Variants in SLC15A1 observed in about 807,000 individuals in gnomAD.
SLC15A1 encodes the protein Caco-2 oligopeptide transporter.
In SLC15A1, 83 loss-of-function variants were observed where a neutral mutation model predicts 92.9. The observed-to-expected ratio is 0.89, with a 90% confidence interval of 0.75 to 1.07. The LOEUF (loss-of-function observed/expected upper bound fraction) is 1.07. Among genes scored for constraint, SLC15A1 ranks in the 50% least tolerant of loss-of-function variants. The pLI is 0.00. For synonymous variants in SLC15A1, 322 were observed against 318.2 expected (o/e 1.01, Z -0.13); for missense variants, 857 against 880.1 (o/e 0.97, Z 0.33).
At chr13:98,748,670 C>T (rs10454525) in intron 1 of SLC15A1, among the ~76,000 whole-genome samples, 109,321 of 152,082 alleles carry the variant, frequency 0.72, 39,644 homozygotes, top group African/African-American at 0.77. Context: ...TTCATCATCA[C>T]GGACATGTAC....
Position 98,706,147 on chromosome 13 carries a change from C to T in SLC15A1, c.1256G>A (p.Gly419Asp). ...ISLPGEMVTLGPMSQTNAFMT... is the reference protein window; with the variant it reads ...ISLPGEMVTLDPMSQTNAFMT... ...CCTTCTACTTACTTGAGACATTGGGCCAAGTGTCACCATCTCTCCAGGAAG... is the reference window on the plus strand; with the variant it reads ...CCTTCTACTTACTTGAGACATTGGGTCAAGTGTCACCATCTCTCCAGGAAG... Residue 419 changes from glycine (G) to aspartate (D), a missense_variant, in exon 16 of 23, where the codon GGC (glycine) becomes GAC (aspartate). Transcript: ENST00000376503. The T allele has an allele frequency of 1.9e-6, 3 of 1,610,748 alleles. No homozygotes were observed. The highest frequency in any genetic ancestry group is 1.7e-6 in the Non-Finnish European group (2 of 1,179,298).
chr13:98,734,757 G>A (rs549206646), intron 1 of SLC15A1, among the ~76,000 whole-genome samples: 3 of 152,176 alleles, frequency 2.0e-5, no homozygotes, highest in African/African-American at 4.8e-5. Flanking sequence ...TAAATTCCTG[G>A]ACACATACAC....
At chr13:98,725,385 C>T (rs146092932) in intron 4 of SLC15A1, among the ~76,000 whole-genome samples, 46 of 152,286 alleles carry the variant, frequency 3.0e-4, no homozygotes, top group Admixed American at 9.2e-4. Flanking sequence ...TGGGTGTGCT[C>T]GTGGAGCCCT....
chr13:98,746,122 C>A (rs759080829), intron 1 of SLC15A1, among the ~76,000 whole-genome samples: 33 of 152,154 alleles, frequency 2.2e-4, no homozygotes, highest in Non-Finnish European at 1.3e-4. Flanking sequence ...TGGGAAAATG[C>A]AGTGTTTGAT....
chr13:98,734,846 T>C (rs1477500528), intron 1 of SLC15A1, among the ~76,000 whole-genome samples: 2 of 152,120 alleles, frequency 1.3e-5, no homozygotes, highest in Non-Finnish European at 2.9e-5. Flanking sequence ...CAATAATTAA[T>C]AGCCTACAAA....
At chr13:98,733,454 C>T (rs1284440803) in intron 1 of SLC15A1, among the ~76,000 whole-genome samples, 2 of 152,178 alleles carry the variant, frequency 1.3e-5, no homozygotes, top group Non-Finnish European at 2.9e-5. Flanking sequence ...GAAGTGCATA[C>T]CTGGCACCTG....
At chr13:98,692,371 T>C (rs765261775) in intron 18 of SLC15A1, among the ~76,000 whole-genome samples, 5 of 151,946 alleles carry the variant, frequency 3.3e-5, no homozygotes, top group Middle Eastern at 3.2e-3. Flanking sequence ...ATTGCCCAGG[T>C]TGGTCTTGAA....
At chr13:98,726,791 A>C in intron 2 of SLC15A1, 52 bp downstream of exon 2, 3 of 1,566,242 alleles carry the variant, frequency 1.9e-6, no homozygotes, top group Non-Finnish European at 2.6e-6. Context: ...GGTAAAACAG[A>C]TGATAAAATT....
chr13:98,705,573 C>T (rs2088106461), intron 16 of SLC15A1, among the ~76,000 whole-genome samples: 2 of 152,130 alleles, frequency 1.3e-5, no homozygotes, highest in Admixed American at 1.3e-4. Flanking sequence ...TAGTTAAATG[C>T]AGCATTTCAG....
At chr13:98,707,406 A>C (rs1344966132) in intron 15 of SLC15A1, among the ~76,000 whole-genome samples, 1 of 152,234 alleles carries the variant, frequency 6.6e-6, no homozygotes, top group Non-Finnish European at 1.5e-5. Context: ...CAAAAGGACA[A>C]ATACCATATA....
chr13:98,719,442 A>C, intron 7 of SLC15A1, 122 bp from the exon 8 acceptor site: 2 of 622,586 alleles, frequency 3.2e-6, no homozygotes, highest in Non-Finnish European at 5.4e-6. Flanking sequence ...AGACATATCC[A>C]TTTGCCTCAC....
intron 16 of SLC15A1, 114 bp from the exon 17 acceptor site, chr13:98,704,549 A>G (rs1218074964): frequency 8.9e-7 from 1 of 1,122,192 alleles, no homozygotes; most frequent in African/African-American, 1.6e-5. Flanking sequence ...ATGTTCATAG[A>G]TACCAAAAAA....
chr13:98,720,957 C>T, intron 7 of SLC15A1: 1 of 363,882 alleles, frequency 2.7e-6, no homozygotes, highest in Non-Finnish European at 5.4e-6. Context: ...GAGGCTGAGG[C>T]AGGAGAATTG....
chr13:98,699,906 A>G (rs2088053836), intron 18 of SLC15A1, among the ~76,000 whole-genome samples: 5 of 152,168 alleles, frequency 3.3e-5, no homozygotes. Context: ...ATGTGTGTAT[A>G]TCTCCTTTGG....
chr13:98,714,017 C>T (rs551974513), intron 9 of SLC15A1, among the ~76,000 whole-genome samples: 7 of 148,390 alleles, frequency 4.7e-5, no homozygotes, highest in Admixed American at 2.7e-4. Context: ...CGTGCTACTA[C>T]ACTCTAGCCT....
chr13:98,705,923 T>C (rs1377040710), intron 16 of SLC15A1, among the ~76,000 whole-genome samples: 1 of 151,496 alleles, frequency 6.6e-6, no homozygotes, highest in Non-Finnish European at 1.5e-5. Context: ...TTCTGCATTT[T>C]AACCAGCTCC....
chr13:98,707,897 A>T (rs1258792373), intron 15 of SLC15A1, among the ~76,000 whole-genome samples: 3 of 54,188 alleles, frequency 5.5e-5, no homozygotes, highest in Non-Finnish European at 1.4e-4. Flanking sequence ...TGTTTAAAAA[A>T]AAAAAAAAAA....
chr13:98,703,954 T>C (rs2088090781), intron 17 of SLC15A1, among the ~76,000 whole-genome samples: 1 of 152,212 alleles, frequency 6.6e-6, no homozygotes, highest in South Asian at 2.1e-4. Context: ...TAATTATATA[T>C]TTTAAATTAT....
intron 7 of SLC15A1, among the ~76,000 whole-genome samples, chr13:98,719,728 G>A (rs1281300469): frequency 6.6e-6 from 1 of 152,164 alleles, no homozygotes; most frequent in Non-Finnish European, 1.5e-5. Context: ...CGATGACCTA[G>A]GGCAGGGGTT....
Sources: gnomAD v4.1 joint callset for allele counts (sites outside exome capture counted in the v4.1 genomes callset) on GRCh38, gnomAD v4.1.1 for gene constraint, MANE v1.5 for transcripts, NCBI Gene and HGNC (gene_info 2026-07-23, HGNC 2026-07-21) for gene names.